SHANK2: variants seen among roughly 807,000 people sequenced by gnomAD.
SHANK2 encodes SH3 and multiple ankyrin repeat domains 2, also known as SH3 and multiple ankyrin repeat domains protein 2.
Under a neutral mutation model 133.7 loss-of-function variants are expected in SHANK2, and 43 were observed. The ratio of observed to expected loss-of-function variants is 0.32; its 90% CI spans 0.25 to 0.41. SHANK2 has a LOEUF of 0.41. SHANK2 is among the 10% of genes least tolerant of loss of function. The pLI is 1.00. For missense variants in SHANK2, 1,994 were observed against 2,235.8 expected, an observed-to-expected ratio of 0.89 and a Z score of 2.18; for synonymous variants, 1,017 against 952.8, an observed-to-expected ratio of 1.07 and a Z score of -1.24.
chr11:71,167,472 C>T (rs1410917454), intron 2 of SHANK2, among the ~76,000 whole-genome samples: 2 of 142,922 alleles, frequency 1.4e-5, no homozygotes, highest in Admixed American at 1.4e-4. Flanking sequence ...GGGCTCCTCA[C>T]TTCCCAGTAG....
chr11:70,927,783 G>A (rs868980407), intron 10 of SHANK2, among the ~76,000 whole-genome samples: 3 of 152,080 alleles, frequency 2.0e-5, no homozygotes, highest in Admixed American at 6.6e-5. Flanking sequence ...CATTTGAATC[G>A]GTAAACCCAG....
chr11:70,727,762 C>T (rs1946205811), intron 14 of SHANK2, among the ~76,000 whole-genome samples: 1 of 152,202 alleles, frequency 6.6e-6, no homozygotes, highest in Admixed American at 6.5e-5. Context: ...GTTGGGGGCC[C>T]CAGCCCTACC....
chr11:70,484,903 GC>G (rs1555152544), intron 25 of SHANK2, among the ~76,000 whole-genome samples: 1 of 152,120 alleles, frequency 6.6e-6, no homozygotes, highest in Non-Finnish European at 1.5e-5. Flanking sequence ...CCCACTCGCT[GC>G]CCTCTTGGGG....
intron 12 of SHANK2, among the ~76,000 whole-genome samples, chr11:70,816,065 G>C (rs1014209850): frequency 6.6e-6 from 1 of 152,200 alleles, no homozygotes; most frequent in Non-Finnish European, 1.5e-5. Flanking sequence ...GGCAGCCAGC[G>C]GGGTCTTTCT....
intron 10 of SHANK2, among the ~76,000 whole-genome samples, chr11:70,905,178 G>A (rs1715219813): frequency 6.6e-6 from 1 of 152,142 alleles, no homozygotes; most frequent in Non-Finnish European, 1.5e-5. Flanking sequence ...AGGTGAGGAG[G>A]ACCTGGGGCT....
At chr11:71,146,946 G>A (rs1555106793) in intron 3 of SHANK2, among the ~76,000 whole-genome samples, 174 bp downstream of exon 3, 1 of 152,158 alleles carries the variant, frequency 6.6e-6, no homozygotes, top group African/African-American at 2.4e-5. Context: ...AGGGGAGGCG[G>A]GCACGGCAGG....
chr11:70,502,217 A>G lies in SHANK2; in HGVS notation c.2267T>C (p.Leu756Pro), dbSNP rs1555158808. Reference sequence around the variant, plus strand: ...GGTGTGCGACTTACCGAGCTCCTCCAGCTCCGAGGTCATGGACTTGGAGCG... The same window carrying G: ...GGTGTGCGACTTACCGAGCTCCTCCGGCTCCGAGGTCATGGACTTGGAGCG... ...TLRSKSMTSELEELVDKASVR... is the reference protein window; with the variant it reads ...TLRSKSMTSEPEELVDKASVR... The change falls in exon 19 of 26, where the codon CTG (leucine) becomes CCG (proline). Residue 756 changes from leucine (L) to proline (P), a missense_variant. By Grantham distance (98) the Leu-to-Pro change is moderately conservative. Transcript: ENST00000601538. 1.3e-6 allele frequency: 2 copies of G among 1,557,304 alleles called. No individual in the cohort carries two copies. Among genetic ancestry groups the G allele is most frequent in the Non-Finnish European group, 1.7e-6 (2 of 1,149,594 alleles).
At chr11:70,505,820 T>G (rs1480381153) in intron 17 of SHANK2, among the ~76,000 whole-genome samples, 1 of 151,882 alleles carries the variant, frequency 6.6e-6, no homozygotes, top group African/African-American at 2.4e-5. Context: ...AGGGAGGGGC[T>G]GGGGATGTGG....
At chr11:70,617,178 G>A (rs561457592) in intron 17 of SHANK2, among the ~76,000 whole-genome samples, 4 of 152,020 alleles carry the variant, frequency 2.6e-5, no homozygotes, top group African/African-American at 9.7e-5. Context: ...CTGTGTGTGT[G>A]TGTCAGTGTC....
Position 70,677,977 on chromosome 11 carries a change from G to A in SHANK2, c.1854-16299C>T, listed in dbSNP as rs374135478. Among the ~76,000 whole-genome samples the A allele has an allele frequency of 4.6e-5, 7 of 152,116 alleles. No homozygotes were observed. The East Asian group carries it at 1.3e-3, about 29-fold the overall frequency. On this transcript the variant is annotated intron_variant, in intron 15 of 25. Coordinates refer to ENST00000601538, the MANE Select transcript of SHANK2 (RefSeq NM_012309.5). ...GGCATCCTCACTGCCATTTCCCATG[G>A]TGTCCAGTTCATTTATTTTGTTAGG...
intron 8 of SHANK2, among the ~76,000 whole-genome samples, chr11:71,086,402 T>C (rs1412281292): frequency 7.6e-6 from 1 of 130,932 alleles, no homozygotes; most frequent in South Asian, 2.3e-4. Context: ...ATATGATATA[T>C]TATTTATAAT....
At chr11:71,111,411 G>A (rs1410095332) in intron 5 of SHANK2, among the ~76,000 whole-genome samples, 1 of 152,182 alleles carries the variant, frequency 6.6e-6, no homozygotes, top group Non-Finnish European at 1.5e-5. Flanking sequence ...ATGATGGTCC[G>A]CAGATCAACC....
chr11:71,185,633 C>T (rs1953654694), intron 2 of SHANK2, among the ~76,000 whole-genome samples: 1 of 152,208 alleles, frequency 6.6e-6, no homozygotes, highest in Non-Finnish European at 1.5e-5. Flanking sequence ...AGTTCAGCCA[C>T]CTGGATTCTC....
Position 70,747,517 on chromosome 11 carries a change from G to A in SHANK2, c.1778-48754C>T, listed in dbSNP as rs539177955. Among the ~76,000 whole-genome samples the A allele has an allele frequency of 3.3e-5, 5 of 152,352 alleles. No homozygotes were observed. The East Asian group carries it at 5.8e-4, about 18-fold the overall frequency. On this transcript the variant is annotated intron_variant, in intron 14 of 25. Transcript: ENST00000601538. Reference sequence around the variant, plus strand: ...ACTGAAGATTGGCTTACAGACTAGTGTTGGGATTTGGAAGCCTGTTTCCAG... The same window carrying A: ...ACTGAAGATTGGCTTACAGACTAGTATTGGGATTTGGAAGCCTGTTTCCAG...
At position 70,569,598 on chromosome 11, in the gene SHANK2, G is replaced by A. The variant is rs148502276; in HGVS notation, c.2062-66667C>T. 3.7e-3 allele frequency among the ~76,000 whole-genome samples: 561 copies of A among 152,260 alleles called. 4 individuals carry two copies. Among genetic ancestry groups the A allele is most frequent in the Non-Finnish European group, 6.0e-3 (408 of 68,022 alleles). The stretch of plus-strand genomic sequence containing the variant: ...GGCCCCTCCCCACGTGGAGGATACC[G>A]AGGAGGTTAGGACAGCCCTCGGGCT... On this transcript the variant is annotated intron_variant, in intron 17 of 25. Transcript: ENST00000601538. This position sits in a 1 kb window ranked among gnomAD's most constrained non-coding sequence, Gnocchi z 5.1.
chr11:70,640,091 C>G (rs782772703), intron 17 of SHANK2, among the ~76,000 whole-genome samples: 1 of 152,220 alleles, frequency 6.6e-6, no homozygotes, highest in Non-Finnish European at 1.5e-5. Context: ...GGGCCACGCA[C>G]AGCTAGTGCA....
chr11:70,720,019 CCT>C (rs1555028574), intron 14 of SHANK2, among the ~76,000 whole-genome samples: 1 of 152,140 alleles, frequency 6.6e-6, no homozygotes, highest in East Asian at 1.9e-4. Context: ...GGTTCCTCAA[CCT>C]CTCTGAGATT....
At chr11:70,901,203 A>G (rs1950018006) in intron 10 of SHANK2, among the ~76,000 whole-genome samples, 1 of 152,192 alleles carries the variant, frequency 6.6e-6, no homozygotes, top group Non-Finnish European at 1.5e-5. Flanking sequence ...GTTTGGGTTC[A>G]AACTCTTCAT....
intron 10 of SHANK2, among the ~76,000 whole-genome samples, chr11:70,918,106 G>A (rs1950295102): frequency 6.6e-6 from 1 of 151,802 alleles, no homozygotes; most frequent in Non-Finnish European, 1.5e-5. Context: ...TTACTGTGAG[G>A]ACCCTGACCC....
Sources: gnomAD v4.1 joint callset for allele counts (sites outside exome capture counted in the v4.1 genomes callset) on GRCh38, gnomAD v4.1.1 for gene constraint, Gnocchi (gnomAD v3.1) non-coding constraint, MANE v1.5 for transcripts, NCBI Gene and HGNC (gene_info 2026-07-23, HGNC 2026-07-21) for gene names.